The following ADGRV1 variants were observed in gnomAD, a reference collection of about 807,000 sequenced individuals.
ADGRV1 encodes adhesion G protein-coupled receptor V1, also known as G-protein coupled receptor 98.
ADGRV1 carries 359 observed loss-of-function variants against 596.2 expected under a neutral mutation model. That is an observed-to-expected ratio of 0.60 (90% CI 0.55 to 0.66). The LOEUF is 0.66. Among genes scored for constraint, ADGRV1 ranks in the 30% least tolerant of loss-of-function variants. The pLI, the probability that ADGRV1 is intolerant of heterozygous loss-of-function variation, is 0.00. For missense variants in ADGRV1, 7,274 were observed against 7,575.6 expected (o/e 0.96, Z 1.48); for synonymous variants, 2,681 against 2,679.2 (o/e 1.00, Z -0.02).
At chr5:90,706,113 T>C in intron 37 of ADGRV1, 118 bp from the exon 38 acceptor site, 1 of 749,452 alleles carries the variant, frequency 1.3e-6, no homozygotes. Context: ...GGGTGAGGAA[T>C]TGGGACCAAT....
intron 34 of ADGRV1, among the ~76,000 whole-genome samples, chr5:90,700,366 G>A (rs186879416): frequency 1.3e-5 from 2 of 152,148 alleles, no homozygotes; most frequent in South Asian, 4.1e-4. Context: ...TGATTCATGG[G>A]AGGAATTGCC....
chr5:90,569,387 A>ATTT lies in ADGRV1; in HGVS notation c.22+10496_22+10498dup, dbSNP rs869133714. The stretch of plus-strand genomic sequence containing the variant: ...TATATATATATATATATATATATAT[A>ATTT]TTTTTTTTTTTTTTTTTTTTTTTTT... On this transcript the variant is annotated intron_variant, in intron 1 of 89. Transcript: ENST00000405460. Among the ~76,000 whole-genome samples the ATTT allele has an allele frequency of 6.1e-4, 10 of 16,372 alleles. 1 individual carries two copies. Among genetic ancestry groups the ATTT allele is most frequent in the Admixed American group, 1.5e-3 (1 of 654 alleles). The allele number at this position is 16,372 out of a possible 152,430, so 10.7% of individuals were successfully genotyped here. A position where few individuals can be genotyped will look rare whatever the true frequency, so the allele number is the denominator to read the frequency against.
chr5:90,933,365 A>G (rs1318177089), intron 83 of ADGRV1, among the ~76,000 whole-genome samples: 2 of 152,228 alleles, frequency 1.3e-5, no homozygotes, highest in Non-Finnish European at 2.9e-5. Flanking sequence ...CTGAGAAGAT[A>G]CTATTTGAGC....
chr5:90,708,801 G>T lies in ADGRV1; in HGVS notation c.8731-15G>T. The T allele has an allele frequency of 6.5e-7, 1 of 1,535,274 alleles. No individual in the cohort carries two copies. The highest frequency in any genetic ancestry group is 9.0e-7 in the Non-Finnish European group (1 of 1,110,378). ...GAGTATAACTAAAGGAATTTAATGA[G>T]TGTAATTTTTTCAGGATGATGTACC... On this transcript the variant is annotated splice_polypyrimidine_tract_variant and intron_variant, in intron 38 of 89. Transcript: ENST00000405460.
intron 50 of ADGRV1, among the ~76,000 whole-genome samples, chr5:90,743,541 G>A (rs903830739): frequency 2.7e-5 from 4 of 146,276 alleles, no homozygotes; most frequent in East Asian, 2.0e-4. Flanking sequence ...GCACGATCTC[G>A]GCTCACTGCA....
chr5:91,153,049 T>A (rs148939818), intron 88 of ADGRV1, among the ~76,000 whole-genome samples, 172 bp from the exon 89 acceptor site: 1 of 152,306 alleles, frequency 6.6e-6, no homozygotes, highest in Non-Finnish European at 1.5e-5. Context: ...ACTCCATCTC[T>A]AGAAAAAATA....
intron 30 of ADGRV1, 32 bp from the exon 31 acceptor site, chr5:90,690,765 T>C: frequency 6.4e-7 from 1 of 1,573,050 alleles, no homozygotes; most frequent in South Asian, 1.2e-5. Flanking sequence ...CACTTTGTAT[T>C]TGAAATGAAC....
chr5:91,107,421 T>C (rs1450678061), intron 87 of ADGRV1, among the ~76,000 whole-genome samples: 1 of 133,154 alleles, frequency 7.5e-6, no homozygotes, highest in Non-Finnish European at 1.6e-5. Flanking sequence ...TGTTTCGTTT[T>C]GTTTTGTTTT....
chr5:90,664,823 A>T (rs1020394325), intron 21 of ADGRV1, among the ~76,000 whole-genome samples: 4 of 138,704 alleles, frequency 2.9e-5, no homozygotes, highest in Non-Finnish European at 4.6e-5. Flanking sequence ...TTTAGCATGA[A>T]GGGTTGTTGA....
At chr5:91,121,176 AAAAT>A (rs1181797843) in intron 87 of ADGRV1, among the ~76,000 whole-genome samples, 2 of 152,182 alleles carry the variant, frequency 1.3e-5, no homozygotes, top group East Asian at 3.9e-4. Flanking sequence ...TCTGGCTCAA[AAAAT>A]AAATAAAAAA....
At chr5:90,945,105 T>C (rs780102154) in intron 83 of ADGRV1, among the ~76,000 whole-genome samples, 13 of 152,186 alleles carry the variant, frequency 8.5e-5, no homozygotes, top group Non-Finnish European at 1.6e-4. Context: ...GTTATAGTGT[T>C]GATTACAGAT....
intron 85 of ADGRV1, among the ~76,000 whole-genome samples, chr5:91,060,360 A>T: frequency 7.0e-6 from 1 of 142,664 alleles, no homozygotes; most frequent in Non-Finnish European, 1.5e-5. Context: ...CATGCCTGGC[A>T]ATTTTATATG....
At chr5:90,822,595 C>T (rs1198590362) in intron 75 of ADGRV1, among the ~76,000 whole-genome samples, 1 of 152,142 alleles carries the variant, frequency 6.6e-6, no homozygotes, top group African/African-American at 2.4e-5. Flanking sequence ...TGGCTTAGGA[C>T]TGACTCGGCG....
At chr5:90,625,447 C>G in intron 6 of ADGRV1, 1 of 393,528 alleles carries the variant, frequency 2.5e-6, no homozygotes, top group Admixed American at 4.3e-5. Flanking sequence ...AACTGGCAAC[C>G]ATACATCATA....
At chr5:90,574,576 G>A (rs569853995) in intron 1 of ADGRV1, among the ~76,000 whole-genome samples, 193 of 152,186 alleles carry the variant, frequency 1.3e-3, no homozygotes, top group African/African-American at 4.6e-3. Context: ...TCTAGATATA[G>A]AATCATATCG....
intron 34 of ADGRV1, among the ~76,000 whole-genome samples, chr5:90,701,689 G>T (rs6867004): frequency 0.24 from 35,885 of 151,752 alleles, 5,444 homozygotes; most frequent in African/African-American, 0.42. Flanking sequence ...TAAATTTTCA[G>T]AGGGGATATT....
At position 90,674,202 on chromosome 5, in the gene ADGRV1, A is replaced by G. The variant is rs1772904452; in HGVS notation, c.5078A>G (p.Asp1693Gly). 6.2e-7 allele frequency: 1 copy of G among 1,610,594 alleles called. No homozygotes were observed. The highest frequency in any genetic ancestry group is 1.3e-5 in the African/African-American group (1 of 74,844). Residue 1693 changes from aspartate (D) to glycine (G), a missense_variant, in exon 23 of 90, where the codon GAT (aspartate) becomes GGT (glycine). Asp to Gly is a moderately conservative substitution (Grantham distance 94). Coordinates refer to ENST00000405460, the MANE Select transcript of ADGRV1 (RefSeq NM_032119.4). ...ATAGATCCTGAAAAGGAAACGACTG[A>G]TATCACCATCAAAGCTAGTGATCAT... The part of the protein sequence containing the change: ...ASIDPEKETT[D>G]ITIKASDHPY...
At position 91,102,280 on chromosome 5, in the gene ADGRV1, A is replaced by G; in HGVS notation, c.18372A>G (p.Leu6124=). 6.2e-7 allele frequency: 1 copy of G among 1,610,486 alleles called. No homozygotes were observed. Among genetic ancestry groups the G allele is most frequent in the Non-Finnish European group, 8.5e-7 (1 of 1,177,904 alleles). Reference sequence around the variant, plus strand: ...CCGTGACATGGCTTTGGGGAGGACTACACATGGCCTACAGACACTTCTGGA... The same window carrying G: ...CCGTGACATGGCTTTGGGGAGGACTGCACATGGCCTACAGACACTTCTGGA... The part of the protein sequence containing the change: ...LISVTWLWGG[L]HMAYRHFWML... Residue 6124 remains leucine, a synonymous_variant, in exon 87 of 90, where the codon CTA becomes CTG. Transcript: ENST00000405460.
At chr5:90,812,903 G>A (rs1397819538) in intron 74 of ADGRV1, among the ~76,000 whole-genome samples, 2 of 151,506 alleles carry the variant, frequency 1.3e-5, no homozygotes, top group South Asian at 2.1e-4. Context: ...AGGCCGAGTC[G>A]GGCGGATCAC....
Sources: allele counts gnomAD v4.1 joint callset (sites outside exome capture counted in the v4.1 genomes callset), GRCh38; gene constraint gnomAD v4.1.1; transcripts MANE v1.5; gene names NCBI Gene and HGNC (gene_info 2026-07-23, HGNC 2026-07-21).